TGFB1: variants seen among roughly 807,000 people sequenced by gnomAD.
The protein encoded by TGFB1 is transforming growth factor beta-1 proprotein.
In TGFB1, 19 loss-of-function variants were observed where a neutral mutation model predicts 43.8. The ratio of observed to expected loss-of-function variants is 0.43; its 90% confidence interval spans 0.30 to 0.64. The LOEUF (loss-of-function observed/expected upper bound fraction) is 0.64, where lower values mean the gene tolerates loss of function less well. Ranked by LOEUF, TGFB1 falls within the 30% of genes least tolerant of loss-of-function variation. TGFB1 has a pLI of 0.11. For synonymous variants in TGFB1, 221 were observed against 236.3 expected, an observed-to-expected ratio of 0.94 and a Z score of 0.60; for missense variants, 445 against 529.8, an observed-to-expected ratio of 0.84 and a Z score of 1.57.
At chr19:41,351,357 G>A (rs2038190990) in intron 1 of TGFB1, among the ~76,000 whole-genome samples, 1 of 152,226 alleles carries the variant, frequency 6.6e-6, no homozygotes, top group African/African-American at 2.4e-5. Context: ...GGACGCCTGG[G>A]TCCTCGCATG....
At chr19:41,349,783 A>G (rs2038162014) in intron 1 of TGFB1, among the ~76,000 whole-genome samples, 1 of 152,020 alleles carries the variant, frequency 6.6e-6, no homozygotes, top group Non-Finnish European at 1.5e-5. Flanking sequence ...AAAAACCACA[A>G]AACAGCGCTA....
intron 5 of TGFB1, among the ~76,000 whole-genome samples, chr19:41,338,570 G>A (rs1226661330): frequency 2.6e-5 from 4 of 151,702 alleles, no homozygotes; most frequent in Non-Finnish European, 4.4e-5. Flanking sequence ...CGGGAGCAGT[G>A]GCTCATGCCT....
chr19:41,333,231 G>A (rs201049447), intron 5 of TGFB1, among the ~76,000 whole-genome samples: 1 of 27,724 alleles, frequency 3.6e-5, no homozygotes, highest in Non-Finnish European at 9.0e-5. Context: ...TTTTTTTTTT[G>A]AGACAGAGTC....
chr19:41,341,372 C>T (rs980121489), intron 5 of TGFB1, among the ~76,000 whole-genome samples: 2 of 140,838 alleles, frequency 1.4e-5, no homozygotes, highest in Non-Finnish European at 3.0e-5. Context: ...GAGGCTGAGA[C>T]AGGAGAATCG....
chr19:41,352,516 C>A (rs911165118), intron 1 of TGFB1, among the ~76,000 whole-genome samples, 174 bp downstream of exon 1: 1 of 152,170 alleles, frequency 6.6e-6, no homozygotes, highest in South Asian at 2.1e-4. Context: ...TGGTAGGGGG[C>A]TCAGTGCCAT....
intron 1 of TGFB1, among the ~76,000 whole-genome samples, chr19:41,350,377 T>A (rs2038172740): frequency 6.7e-6 from 1 of 148,910 alleles, no homozygotes; most frequent in South Asian, 2.1e-4. Flanking sequence ...CGATCTTGGC[T>A]CATAGCAACC....
chr19:41,350,583 C>T (rs1230857618), intron 1 of TGFB1, among the ~76,000 whole-genome samples: 1 of 152,136 alleles, frequency 6.6e-6, no homozygotes, highest in Non-Finnish European at 1.5e-5. Context: ...GCTGGGATTA[C>T]AGGCGTGAGC....
intron 1 of TGFB1, among the ~76,000 whole-genome samples, 156 bp downstream of exon 1, chr19:41,352,534 C>T (rs1235239017): frequency 6.6e-6 from 1 of 152,160 alleles, no homozygotes; most frequent in Non-Finnish European, 1.5e-5. Context: ...CATCCTCTTT[C>T]GGACACCCCC....
chr19:41,338,617 T>C (rs1274203728), intron 5 of TGFB1, among the ~76,000 whole-genome samples: 2 of 151,862 alleles, frequency 1.3e-5, no homozygotes, highest in East Asian at 1.9e-4. Context: ...GGTGGGCGGA[T>C]TGCCTGACCT....
At chr19:41,344,283 C>A (rs545683626) in intron 3 of TGFB1, among the ~76,000 whole-genome samples, 7 of 152,092 alleles carry the variant, frequency 4.6e-5, no homozygotes, top group Non-Finnish European at 8.8e-5. Context: ...CCATGCCCAG[C>A]CCCAGAATAC....
At chr19:41,340,541 A>C (rs2038043994) in intron 5 of TGFB1, among the ~76,000 whole-genome samples, 1 of 152,108 alleles carries the variant, frequency 6.6e-6, no homozygotes, top group Non-Finnish European at 1.5e-5. Flanking sequence ...TCAGCCTCCC[A>C]AAGTGCTGGA....
intron 5 of TGFB1, among the ~76,000 whole-genome samples, chr19:41,337,662 C>G (rs546682940): frequency 1.3e-5 from 2 of 152,046 alleles, no homozygotes; most frequent in African/African-American, 4.8e-5. Context: ...ATAGACTGAC[C>G]CTTGGACATG....
intron 5 of TGFB1, among the ~76,000 whole-genome samples, chr19:41,335,979 A>C (rs1385252598): frequency 6.6e-6 from 1 of 151,664 alleles, no homozygotes; most frequent in East Asian, 1.9e-4. Context: ...CTTAAGAACA[A>C]ATTTTCCTAT....
At chr19:41,334,646 C>T (rs1167428250) in intron 5 of TGFB1, among the ~76,000 whole-genome samples, 2 of 151,502 alleles carry the variant, frequency 1.3e-5, no homozygotes, top group South Asian at 2.1e-4. Context: ...GACCTGGTGG[C>T]GGGCACCTGT....
chr19:41,331,881 C>T (rs893481152), intron 6 of TGFB1, among the ~76,000 whole-genome samples: 1 of 151,706 alleles, frequency 6.6e-6, no homozygotes, highest in Non-Finnish European at 1.5e-5. Context: ...CTCCCCTTCA[C>T]CCCCATCCCT....
chr19:41,353,272 G>A lies in TGFB1; in HGVS notation c.-228C>T, dbSNP rs867747198. 2 of 540,178 alleles carry A rather than the reference G, an allele frequency of 3.7e-6. No individual in the cohort carries two copies. Among genetic ancestry groups the A allele is most frequent in the East Asian group, 3.2e-5 (1 of 30,912 alleles). The allele number at this position is 540,178 out of a possible 1,614,324, so 33.5% of individuals were successfully genotyped here. A position where few individuals can be genotyped will look rare whatever the true frequency, so the allele number is the denominator to read the frequency against. On this transcript the variant is annotated 5_prime_UTR_variant, in exon 1 of 7. Coordinates refer to ENST00000221930, the MANE Select transcript of TGFB1 (RefSeq NM_000660.7). This position sits in a 1 kb window ranked among gnomAD's most constrained non-coding sequence, Gnocchi z 5.9. ...AGATGGGCGCGATCTGGTACCAGAA[G>A]GTGGGTGGTCTTGAATAGGGGATCT...
intron 5 of TGFB1, among the ~76,000 whole-genome samples, chr19:41,337,804 A>G (rs2038004338): frequency 6.6e-6 from 1 of 152,166 alleles, no homozygotes; most frequent in African/African-American, 2.4e-5. Flanking sequence ...GAAGACCTTT[A>G]TGATAAGCCA....
At chr19:41,348,870 C>T (rs182190174) in intron 1 of TGFB1, among the ~76,000 whole-genome samples, 85 of 152,200 alleles carry the variant, frequency 5.6e-4, no homozygotes, top group African/African-American at 1.9e-3. Context: ...GATCCACCCG[C>T]CTCGGCCTCC....
At chr19:41,333,209 ATTTTTTTTTTTTT>A in intron 5 of TGFB1, among the ~76,000 whole-genome samples, 1 of 86,382 alleles carries the variant, frequency 1.2e-5, no homozygotes, top group Non-Finnish European at 2.1e-5. Context: ...TTTTTTTTCT[ATTTTTTTTTTTTT>A]TTTTTTTTGA....
Sources: gnomAD v4.1 joint callset for allele counts (sites outside exome capture counted in the v4.1 genomes callset) on GRCh38, gnomAD v4.1.1 for gene constraint, Gnocchi (gnomAD v3.1) non-coding constraint, MANE v1.5 for transcripts, NCBI Gene and HGNC (gene_info 2026-07-23, HGNC 2026-07-21) for gene names.